Variants in NFAM1 observed in about 807,000 individuals in gnomAD.
NFAM1 encodes NFAT activating protein with ITAM motif 1.
NFAM1 carries 17 observed loss-of-function variants against 29.0 expected under a neutral mutation model. The ratio of observed to expected loss-of-function variants is 0.59; its 90% CI spans 0.40 to 0.88. The LOEUF (loss-of-function observed/expected upper bound fraction) is 0.88. Ranked by LOEUF, NFAM1 falls within the 40% of genes least tolerant of loss-of-function variation. The probability of loss-of-function intolerance (pLI) is 0.00; values close to 1 mark genes in which losing one functional copy is unlikely to be tolerated. For missense variants in NFAM1, 324 were observed against 344.6 expected (o/e 0.94, Z 0.47); for synonymous variants, 175 against 147.2 (o/e 1.19, Z -1.36).
chr22:42,430,535 G>A (rs1320944693), intron 1 of NFAM1, among the ~76,000 whole-genome samples: 2 of 131,324 alleles, frequency 1.5e-5, no homozygotes, highest in African/African-American at 6.0e-5. Context: ...ACTTCAGCCT[G>A]AGTGACAAGA....
chr22:42,414,693 C>A (rs998154544), intron 1 of NFAM1, among the ~76,000 whole-genome samples: 1 of 152,028 alleles, frequency 6.6e-6, no homozygotes, highest in African/African-American at 2.4e-5. Context: ...TGTGTACCTA[C>A]CCTGTGGCCC....
intron 3 of NFAM1, among the ~76,000 whole-genome samples, chr22:42,399,772 A>G (rs1449716875): frequency 1.3e-5 from 2 of 152,172 alleles, no homozygotes; most frequent in African/African-American, 4.8e-5. Flanking sequence ...CCACACGGCC[A>G]CTGCTGACAG....
chr22:42,385,605 C>G (rs564432164), intron 5 of NFAM1, among the ~76,000 whole-genome samples: 1 of 152,248 alleles, frequency 6.6e-6, no homozygotes, highest in South Asian at 2.1e-4. Context: ...CCTCCCCACC[C>G]TGGCTGGTCC....
At chr22:42,426,032 G>C (rs1373677036) in intron 1 of NFAM1, among the ~76,000 whole-genome samples, 1 of 152,172 alleles carries the variant, frequency 6.6e-6, no homozygotes, top group Non-Finnish European at 1.5e-5. Context: ...CAAGTGAGAG[G>C]ATACCCTCCA....
chr22:42,408,691 G>A (rs1224591355), intron 3 of NFAM1, among the ~76,000 whole-genome samples: 2 of 152,236 alleles, frequency 1.3e-5, no homozygotes, highest in South Asian at 2.1e-4. Flanking sequence ...AGGCAGGGAG[G>A]GTGGGCCAGC....
chr22:42,407,207 G>C (rs113740033), intron 3 of NFAM1, among the ~76,000 whole-genome samples: 4,235 of 151,264 alleles, frequency 0.028, 203 homozygotes, highest in African/African-American at 0.099. Flanking sequence ...TCAGCCTCCT[G>C]AGTAGCTGGG....
chr22:42,434,362 C>G (rs79167747), upstream of NFAM1, among the ~76,000 whole-genome samples: 1 of 152,180 alleles, frequency 6.6e-6, no homozygotes, highest in South Asian at 2.1e-4. Context: ...AAGGGGTAGC[C>G]TCTGGGAGGC....
chr22:42,432,793 C>A (rs1462333830), upstream of NFAM1, among the ~76,000 whole-genome samples: 1 of 152,178 alleles, frequency 6.6e-6, no homozygotes, highest in African/African-American at 2.4e-5. Context: ...TCTGAGAATC[C>A]CTTAATAATG....
intron 1 of NFAM1, among the ~76,000 whole-genome samples, chr22:42,420,013 T>C (rs188673987): frequency 8.0e-6 from 1 of 124,518 alleles, no homozygotes; most frequent in Non-Finnish European, 1.7e-5. Flanking sequence ...TTTTTTTTTT[T>C]TTTTTTTTTT....
chr22:42,429,413 C>G (rs1182336384), intron 1 of NFAM1, among the ~76,000 whole-genome samples: 1 of 152,032 alleles, frequency 6.6e-6, no homozygotes, highest in Admixed American at 6.5e-5. Context: ...GTCAGGAGTT[C>G]GAGACCAGCC....
At chr22:42,426,800 CCATGACT>C (rs1476728491) in intron 1 of NFAM1, among the ~76,000 whole-genome samples, 1 of 152,140 alleles carries the variant, frequency 6.6e-6, no homozygotes, top group Non-Finnish European at 1.5e-5. Context: ...GATCCACGAC[CCATGACT>C]CACGACCGAA....
chr22:42,389,799 A>G (rs969276861), intron 4 of NFAM1, among the ~76,000 whole-genome samples: 3 of 152,244 alleles, frequency 2.0e-5, no homozygotes, highest in South Asian at 2.1e-4. Flanking sequence ...TGATCATCCA[A>G]CTGGCAGAGG....
intron 1 of NFAM1, among the ~76,000 whole-genome samples, chr22:42,431,593 C>T (rs1037765096): frequency 6.6e-6 from 1 of 152,172 alleles, no homozygotes; most frequent in Non-Finnish European, 1.5e-5. Flanking sequence ...GCTCGGATCC[C>T]GGCCACCCAG....
At position 42,419,801 on chromosome 22, in the gene NFAM1, C is replaced by T. The variant is rs982407091; in HGVS notation, c.122-8065G>A. On this transcript the variant is annotated intron_variant, in intron 1 of 5. Coordinates refer to ENST00000329021, the MANE Select transcript of NFAM1 (RefSeq NM_145912.8). This position sits in a 1 kb window ranked among gnomAD's most constrained non-coding sequence, Gnocchi z 4.5. ...GCCACTCCTGGGTGTCTGGCTGCCCCGCACAGCACAGACTCTCAGGCGTCA... is the reference window on the plus strand; with the variant it reads ...GCCACTCCTGGGTGTCTGGCTGCCCTGCACAGCACAGACTCTCAGGCGTCA... Among the ~76,000 whole-genome samples, 2 of 152,144 alleles carry T rather than the reference C, an allele frequency of 1.3e-5. No homozygotes were observed. Among genetic ancestry groups the T allele is most frequent in the East Asian group, 1.9e-4 (1 of 5,182 alleles).
Position 42,419,330 on chromosome 22 carries a change from C to T in NFAM1, c.122-7594G>A, listed in dbSNP as rs1319785812. On this transcript the variant is annotated intron_variant, in intron 1 of 5. Transcript: ENST00000329021. This position sits in a 1 kb window ranked among gnomAD's most constrained non-coding sequence, Gnocchi z 4.5. ...CATCCTGCTCCTGCCCTGCCTGAACCGGCAGGGGCTCCCTGCTGGAGGAGA... is the reference window on the plus strand; with the variant it reads ...CATCCTGCTCCTGCCCTGCCTGAACTGGCAGGGGCTCCCTGCTGGAGGAGA... Among the ~76,000 whole-genome samples the T allele has an allele frequency of 2.6e-5, 4 of 152,214 alleles. No homozygotes were observed. Among genetic ancestry groups the T allele is most frequent in the African/African-American group, 7.2e-5 (3 of 41,536 alleles).
intron 1 of NFAM1, among the ~76,000 whole-genome samples, chr22:42,429,807 CAGGCTGATGGTTA>C (rs1311318182): frequency 1.3e-5 from 2 of 152,166 alleles, no homozygotes; most frequent in South Asian, 2.1e-4. Flanking sequence ...CTGGTTGCAC[CAGGCTGATGGTTA>C]AGGCTGATGG....
intron 4 of NFAM1, among the ~76,000 whole-genome samples, chr22:42,391,333 GA>G (rs1214934953): frequency 4.3e-5 from 4 of 92,484 alleles, no homozygotes; most frequent in Admixed American, 1.7e-4. Flanking sequence ...ACTGCCAGGT[GA>G]AAAATGAACA....
rs1930377243 is a variant in NFAM1, at chr22:42,419,912, G to A, written c.122-8176C>T. Among the ~76,000 whole-genome samples the A allele has an allele frequency of 6.6e-6, 1 of 150,884 alleles. No individual in the cohort carries two copies. Among genetic ancestry groups the A allele is most frequent in the African/African-American group, 2.4e-5 (1 of 41,096 alleles). On this transcript the variant is annotated intron_variant, in intron 1 of 5. Coordinates refer to ENST00000329021, the MANE Select transcript of NFAM1 (RefSeq NM_145912.8). The surrounding 1 kb of genome is among the most constrained non-coding windows in gnomAD (Gnocchi z 4.5). ...ATGACAAAACTGAGGCTCAGAGAAG[G>A]CAAGAGGTTTGCCCAAATTGCAGTG...
chr22:42,404,004 A>G (rs1424833619), intron 3 of NFAM1, among the ~76,000 whole-genome samples: 3 of 152,296 alleles, frequency 2.0e-5, no homozygotes, highest in East Asian at 3.9e-4. Flanking sequence ...GCCTGCGGGC[A>G]GGGCTGACTG....
Sources: allele counts gnomAD v4.1 joint callset (sites outside exome capture counted in the v4.1 genomes callset), GRCh38; gene constraint gnomAD v4.1.1; non-coding constraint Gnocchi (gnomAD v3.1); transcripts MANE v1.5; gene names NCBI Gene and HGNC (gene_info 2026-07-23, HGNC 2026-07-21).